GABBR2: variants seen among roughly 807,000 people sequenced by gnomAD.
GABBR2 encodes G-protein coupled receptor 51.
A neutral mutation model predicts 105.6 loss-of-function variants in GABBR2; 23 were observed. That is an observed-to-expected ratio of 0.22 (90% CI 0.16 to 0.31). The LOEUF is 0.31. GABBR2 is among the 10% of genes least tolerant of loss of function. The probability of loss-of-function intolerance (pLI) is 1.00; values close to 1 mark genes in which losing one functional copy is unlikely to be tolerated. For missense variants in GABBR2, 734 were observed against 1,245.5 expected (o/e 0.59, Z 6.18); for synonymous variants, 478 against 499.7 (o/e 0.96, Z 0.58).
At chr9:98,447,801 A>C (rs1447980360) in intron 7 of GABBR2, among the ~76,000 whole-genome samples, 2 of 151,848 alleles carry the variant, frequency 1.3e-5, no homozygotes, top group African/African-American at 4.8e-5. Flanking sequence ...TTTAGGTAAA[A>C]AGTTGGTAGG....
chr9:98,452,583 A>G (rs1247182206), intron 7 of GABBR2, among the ~76,000 whole-genome samples: 1 of 152,244 alleles, frequency 6.6e-6, no homozygotes, highest in Admixed American at 6.5e-5. Flanking sequence ...AACAGTAACA[A>G]TAGAATTTAT....
intron 13 of GABBR2, among the ~76,000 whole-genome samples, chr9:98,320,132 A>G (rs1830793432): frequency 6.6e-6 from 1 of 151,896 alleles, no homozygotes; most frequent in Non-Finnish European, 1.5e-5. Context: ...AATTTACAAG[A>G]AAAAAACAAA....
intron 1 of GABBR2, among the ~76,000 whole-genome samples, chr9:98,630,895 AAATTT>A (rs1829807767): frequency 6.6e-6 from 1 of 152,214 alleles, no homozygotes; most frequent in South Asian, 2.1e-4. Context: ...AATTCAAATC[AAATTT>A]AATTTATCAA....
intron 7 of GABBR2, among the ~76,000 whole-genome samples, chr9:98,445,607 G>A (rs947844962): frequency 1.3e-5 from 2 of 152,224 alleles, no homozygotes; most frequent in Non-Finnish European, 2.9e-5. Flanking sequence ...TAAGATGAAG[G>A]TGAGCCTCAG....
intron 1 of GABBR2, among the ~76,000 whole-genome samples, chr9:98,580,465 T>C (rs1164338977): frequency 6.6e-6 from 1 of 152,192 alleles, no homozygotes; most frequent in Non-Finnish European, 1.5e-5. Context: ...TCCCCAGAGC[T>C]TGGAGAGGGG....
chr9:98,364,076 C>T (rs547760888), intron 12 of GABBR2, among the ~76,000 whole-genome samples: 10 of 152,164 alleles, frequency 6.6e-5, no homozygotes, highest in Middle Eastern at 3.4e-3. Context: ...AAAAAGAACA[C>T]GAGGAAAGTG....
At chr9:98,459,280 T>G (rs1296631234) in intron 6 of GABBR2, among the ~76,000 whole-genome samples, 1 of 152,156 alleles carries the variant, frequency 6.6e-6, no homozygotes, top group African/African-American at 2.4e-5. Context: ...AATAAAATAT[T>G]AAAATAGCTA....
At chr9:98,536,993 C>G (rs569529517) in intron 3 of GABBR2, among the ~76,000 whole-genome samples, 1 of 152,188 alleles carries the variant, frequency 6.6e-6, no homozygotes, top group Non-Finnish European at 1.5e-5. Context: ...AGGTCTCCCA[C>G]CACCAGAGGG....
At chr9:98,659,803 G>A (rs1386481609) in intron 1 of GABBR2, among the ~76,000 whole-genome samples, 2 of 151,834 alleles carry the variant, frequency 1.3e-5, no homozygotes, top group East Asian at 3.9e-4. Flanking sequence ...TTACAGGTGT[G>A]AGCCACCGCA....
At chr9:98,293,465 A>G (rs536793228) in intron 18 of GABBR2, among the ~76,000 whole-genome samples, 5 of 152,340 alleles carry the variant, frequency 3.3e-5, no homozygotes, top group African/African-American at 9.6e-5. Context: ...TGTTAAGTAA[A>G]TGCATTTAGC....
chr9:98,546,648 T>C (rs1245047954), intron 2 of GABBR2, among the ~76,000 whole-genome samples: 1 of 152,262 alleles, frequency 6.6e-6, no homozygotes, highest in Non-Finnish European at 1.5e-5. Context: ...ATCCTCCTTT[T>C]ATTCATATTC....
At chr9:98,458,698 C>T (rs1204911209) in intron 6 of GABBR2, among the ~76,000 whole-genome samples, 1 of 152,168 alleles carries the variant, frequency 6.6e-6, no homozygotes, top group Non-Finnish European at 1.5e-5. Context: ...GAGTGAGACT[C>T]CATCTCAAAA....
chr9:98,341,873 A>T (rs1045827573), intron 13 of GABBR2, among the ~76,000 whole-genome samples: 8 of 152,196 alleles, frequency 5.3e-5, no homozygotes, highest in Non-Finnish European at 1.0e-4. Context: ...CATTTCTTCG[A>T]GAAGCCGGCT....
At chr9:98,467,886 G>A (rs1459991846) in intron 6 of GABBR2, among the ~76,000 whole-genome samples, 1 of 152,228 alleles carries the variant, frequency 6.6e-6, no homozygotes, top group Non-Finnish European at 1.5e-5. Context: ...GAGAGGCTGA[G>A]CCATCGCTGG....
intron 13 of GABBR2, among the ~76,000 whole-genome samples, chr9:98,345,693 T>C (rs1020445660): frequency 6.6e-6 from 1 of 152,210 alleles, no homozygotes; most frequent in African/African-American, 2.4e-5. Context: ...TGATCGTCTA[T>C]ATAGAAAGTC....
chr9:98,490,725 C>T (rs1042539692), intron 4 of GABBR2, among the ~76,000 whole-genome samples: 1 of 152,142 alleles, frequency 6.6e-6, no homozygotes, highest in Non-Finnish European at 1.5e-5. Flanking sequence ...CATGAAGCAA[C>T]TGAAATGTCC....
intron 7 of GABBR2, among the ~76,000 whole-genome samples, chr9:98,410,489 A>T (rs1477427767): frequency 6.7e-6 from 1 of 149,226 alleles, no homozygotes; most frequent in Admixed American, 6.8e-5. Flanking sequence ...ACGCATAAGC[A>T]TGCATGAGGG....
At chr9:98,578,277 G>A (rs147983578) in intron 1 of GABBR2, among the ~76,000 whole-genome samples, 3 of 152,154 alleles carry the variant, frequency 2.0e-5, no homozygotes, top group Non-Finnish European at 4.4e-5. Flanking sequence ...CTCTGCTCCC[G>A]CTAAGTGCCC....
At chr9:98,338,256 G>GA (rs1317709039) in intron 13 of GABBR2, among the ~76,000 whole-genome samples, 1 of 152,028 alleles carries the variant, frequency 6.6e-6, no homozygotes, top group Non-Finnish European at 1.5e-5. Context: ...AATAATAAAA[G>GA]AAAAAATATA....
Sources: allele counts gnomAD v4.1 joint callset (sites outside exome capture counted in the v4.1 genomes callset), GRCh38; gene constraint gnomAD v4.1.1; transcripts MANE v1.5; gene names NCBI Gene and HGNC (gene_info 2026-07-23, HGNC 2026-07-21).